MANSC1: variants seen among roughly 807,000 people sequenced by gnomAD.
The protein encoded by MANSC1 is MANSC domain-containing protein 1.
In MANSC1, 13 loss-of-function variants were observed where a neutral mutation model predicts 14.1. The observed-to-expected ratio is 0.92, with a 90% CI of 0.60 to 1.46. The LOEUF (loss-of-function observed/expected upper bound fraction) is 1.46, where lower values mean the gene tolerates loss of function less well. Ranked by LOEUF, MANSC1 falls within the 40% of genes most tolerant of loss-of-function variation. The pLI is 0.00. For synonymous variants in MANSC1, 227 were observed against 200.7 expected (o/e 1.13, Z -1.11); for missense variants, 486 against 511.4 (o/e 0.95, Z 0.48).
chr12:12,338,720 T>TTCCTTAA (rs1862892435), intron 2 of MANSC1, 160 bp from the exon 3 acceptor site: 2 of 698,316 alleles, frequency 2.9e-6, no homozygotes, highest in Non-Finnish European at 4.7e-6. Context: ...TTCCTTAGCT[T>TTCCTTAA]AGTTGCTTAA....
Position 12,343,262 on chromosome 12 carries a change from A to C in MANSC1, c.53T>G (p.Phe18Cys). ...SLTYTLVIICFLTLRLSASQN... is the reference protein window; with the variant it reads ...SLTYTLVIICCLTLRLSASQN... ...ACTAGCAGACAGCCTTAGTGTCAGG[A>C]AGCAAATTATTACCAAAGTGTAAGT... The change falls in exon 2 of 4, where the codon TTC (phenylalanine) becomes TGC (cysteine). Residue 18 changes from phenylalanine to cysteine, a missense_variant. Coordinates refer to ENST00000535902, the MANE Select transcript of MANSC1 (RefSeq NM_018050.4). 1 of 1,614,132 alleles carries C rather than the reference A, an allele frequency of 6.2e-7. No homozygotes were observed. The highest frequency in any genetic ancestry group is 8.5e-7 in the Non-Finnish European group (1 of 1,180,006).
At chr12:12,340,361 G>A (rs938779911) in intron 2 of MANSC1, among the ~76,000 whole-genome samples, 2 of 152,216 alleles carry the variant, frequency 1.3e-5, no homozygotes, top group African/African-American at 4.8e-5. Flanking sequence ...GAGATGGGAA[G>A]GAAGATTTAG....
At chr12:12,338,243 T>C (rs934980607) in intron 3 of MANSC1, among the ~76,000 whole-genome samples, 177 bp downstream of exon 3, 2 of 152,204 alleles carry the variant, frequency 1.3e-5, no homozygotes, top group African/African-American at 2.4e-5. Context: ...AATACTACCA[T>C]GGCTTTCATT....
chr12:12,342,983 T>C (rs999911276), intron 2 of MANSC1, 109 bp downstream of exon 2: 1 of 774,822 alleles, frequency 1.3e-6, no homozygotes, highest in Non-Finnish European at 2.2e-6. Flanking sequence ...TTGTCACTTA[T>C]ATTCATACCC....
chr12:12,338,562 T>C lies in MANSC1; in HGVS notation c.224-2A>G. On this transcript the variant is annotated splice_acceptor_variant, in intron 2 of 3. Coordinates refer to ENST00000535902, the MANE Select transcript of MANSC1 (RefSeq NM_018050.4). LOFTEE classifies it high-confidence loss of function. ...TCATCAAGTTACATGCTTTGTCCCC[T>C]GCAATGAAAGGTTTCATAAGCATGA... 6.2e-7 allele frequency: 1 copy of C among 1,609,606 alleles called. No homozygotes were observed. Among genetic ancestry groups the C allele is most frequent in the Non-Finnish European group, 8.5e-7 (1 of 1,178,978 alleles).
intron 1 of MANSC1, among the ~76,000 whole-genome samples, chr12:12,346,022 C>A (rs1227086626): frequency 6.6e-6 from 1 of 152,118 alleles, no homozygotes; most frequent in Non-Finnish European, 1.5e-5. Context: ...GCCTGTAATC[C>A]CAGCACTTTG....
chr12:12,341,861 G>A (rs544127509), intron 2 of MANSC1, among the ~76,000 whole-genome samples: 11 of 152,332 alleles, frequency 7.2e-5, no homozygotes, highest in South Asian at 2.1e-4. Flanking sequence ...ATGTGGTGGC[G>A]AACACCTGTA....
intron 3 of MANSC1, among the ~76,000 whole-genome samples, chr12:12,332,866 T>TTGTG (rs1303708893): frequency 6.6e-6 from 1 of 151,872 alleles, no homozygotes; most frequent in Non-Finnish European, 1.5e-5. Context: ...CAAAAGAAAA[T>TTGTG]TGTGTGACAC....
chr12:12,345,738 CT>C (rs953999833), intron 1 of MANSC1, among the ~76,000 whole-genome samples: 13 of 152,260 alleles, frequency 8.5e-5, no homozygotes, highest in Admixed American at 7.8e-4. Flanking sequence ...CTTCTTTAAC[CT>C]TTGTTTATTA....
chr12:12,331,830 G>A (rs964007687), intron 3 of MANSC1, among the ~76,000 whole-genome samples: 2 of 152,116 alleles, frequency 1.3e-5, no homozygotes, highest in Non-Finnish European at 1.5e-5. Context: ...AGCACTGTGC[G>A]CAGAGGAGGG....
chr12:12,334,229 T>G (rs559413559), intron 3 of MANSC1, among the ~76,000 whole-genome samples: 1 of 149,704 alleles, frequency 6.7e-6, no homozygotes, highest in Non-Finnish European at 1.5e-5. Flanking sequence ...CAGTGAGCCA[T>G]GATCGCGCCA....
chr12:12,347,716 T>G (rs543730158), intron 1 of MANSC1, among the ~76,000 whole-genome samples: 3 of 152,324 alleles, frequency 2.0e-5, no homozygotes. Context: ...CCTATGAGAA[T>G]GGCTAAAATC....
rs1862697180 is a variant in MANSC1, at chr12:12,326,215, G to T, written c.*3812C>A. The T allele has an allele frequency of 6.6e-6, 1 of 152,172 alleles. No individual in the cohort carries two copies. Among genetic ancestry groups the T allele is most frequent in the Admixed American group, 6.6e-5 (1 of 15,260 alleles). 9.4% of individuals were successfully genotyped at this position (152,172 alleles called of 1,614,324 possible). A position where few individuals can be genotyped will look rare whatever the true frequency, so the allele number is the denominator to read the frequency against. ...TGGCAGTGCCTTCTCCCCTCATCAT[G>T]GCAGGGAGGCCACCACAGCTCCAAC... On this transcript the variant is annotated 3_prime_UTR_variant, in exon 4 of 4. Coordinates refer to ENST00000535902, the MANE Select transcript of MANSC1 (RefSeq NM_018050.4).
chr12:12,331,181 C>T (rs1488622169), intron 3 of MANSC1, among the ~76,000 whole-genome samples: 3 of 152,046 alleles, frequency 2.0e-5, no homozygotes, highest in Admixed American at 1.3e-4. Flanking sequence ...GTCTCTTAAA[C>T]AAAAAAATCT....
chr12:12,338,230 A>G (rs545025349), intron 3 of MANSC1, among the ~76,000 whole-genome samples, 190 bp downstream of exon 3: 1 of 152,342 alleles, frequency 6.6e-6, no homozygotes, highest in South Asian at 2.1e-4. Flanking sequence ...ACAAACCAGA[A>G]CAAATACTAC....
rs1169186480 is a variant in MANSC1, at chr12:12,330,431, C to A, written c.892G>T (p.Ala298Ser). 2 of 1,614,194 alleles carry A rather than the reference C, an allele frequency of 1.2e-6. No homozygotes were observed. Among genetic ancestry groups the A allele is most frequent in the Non-Finnish European group, 1.7e-6 (2 of 1,180,030 alleles). ...TRAAATLQAMATTAVLTTTFQ... is the reference protein window; with the variant it reads ...TRAAATLQAMSTTAVLTTTFQ... The stretch of plus-strand genomic sequence containing the variant: ...GTGGTAGTCAGAACTGCTGTTGTAG[C>A]CATTGCTTGGAGTGTAGCCGCAGCC... Residue 298 changes from alanine to serine, a missense_variant, in exon 4 of 4, where the codon GCT becomes TCT. Physicochemically the swap from Ala to Ser is moderately conservative, Grantham distance 99. Coordinates refer to ENST00000535902, the MANE Select transcript of MANSC1 (RefSeq NM_018050.4).
In MANSC1 at chr12:12,328,097, C is replaced by T. The variant is rs1057117459; in HGVS notation, c.*1930G>A. ...TCAAATTTCCTGTTTTGCAGATAAG[C>T]AAATTGAAGTCCAGAGGAAAGAGGT... is the stretch of plus-strand genomic sequence containing the variant. On this transcript the variant is annotated 3_prime_UTR_variant, in exon 4 of 4. Coordinates refer to ENST00000535902, the MANE Select transcript of MANSC1 (RefSeq NM_018050.4). 6.6e-6 allele frequency: 1 copy of T among 152,142 alleles called. No homozygotes were observed. The highest frequency in any genetic ancestry group is 1.5e-5 in the Non-Finnish European group (1 of 68,036). The allele number at this position is 152,142 out of a possible 1,614,324, so 9.4% of individuals were successfully genotyped here.
intron 2 of MANSC1, chr12:12,338,804 C>A: frequency 1.8e-6 from 1 of 553,170 alleles, no homozygotes. Context: ...AAGGAAGCTC[C>A]TGTCCCTCCT....
intron 1 of MANSC1, among the ~76,000 whole-genome samples, chr12:12,345,208 T>C (rs1355003737): frequency 6.7e-6 from 1 of 148,878 alleles, no homozygotes; most frequent in Non-Finnish European, 1.5e-5. Context: ...TAATCCCAGC[T>C]ACTCGGGAGG....
Sources: gnomAD v4.1 joint callset for allele counts (sites outside exome capture counted in the v4.1 genomes callset) on GRCh38, gnomAD v4.1.1 for gene constraint, MANE v1.5 for transcripts, NCBI Gene and HGNC (gene_info 2026-07-23, HGNC 2026-07-21) for gene names.